ANTXR1: variants seen among roughly 807,000 people sequenced by gnomAD.
ANTXR1 encodes ANTXR cell adhesion molecule 1, also known as anthrax toxin receptor 1.
A neutral mutation model predicts 78.1 loss-of-function variants in ANTXR1; 19 were observed. The observed-to-expected ratio is 0.24, with a 90% CI of 0.17 to 0.36. ANTXR1 has a LOEUF of 0.36. Among genes scored for constraint, ANTXR1 ranks in the 10% least tolerant of loss-of-function variants. The pLI is 1.00. For synonymous variants in ANTXR1, 273 were observed against 260.5 expected, an observed-to-expected ratio of 1.05 and a Z score of -0.46; for missense variants, 518 against 718.6, an observed-to-expected ratio of 0.72 and a Z score of 3.19.
intron 1 of ANTXR1, among the ~76,000 whole-genome samples, chr2:69,029,483 T>C (rs1023477029): frequency 1.3e-5 from 2 of 151,664 alleles, no homozygotes; most frequent in African/African-American, 2.4e-5. Context: ...AATTAGTTTT[T>C]TTAAATGGTC....
rs141782604 is a variant in ANTXR1 at position 69,125,902 on chromosome 2, G to A, written c.951+1259G>A. On this transcript the variant is annotated intron_variant, in intron 12 of 17. Transcript: ENST00000303714. ...GAGCATTTCCAAAATAACCTTTGTC[G>A]GCGTATTCAGTTTCTTTAACTGAAT... Among the ~76,000 whole-genome samples the A allele has an allele frequency of 5.3e-3, 799 of 151,846 alleles. 8 individuals carry two copies. Among genetic ancestry groups the A allele is most frequent in the African/African-American group, 0.018 (750 of 41,396 alleles).
At chr2:69,218,528 TG>T (rs1478840698) in intron 17 of ANTXR1, among the ~76,000 whole-genome samples, 1 of 152,158 alleles carries the variant, frequency 6.6e-6, no homozygotes, top group African/African-American at 2.4e-5. Context: ...GAAAATACAC[TG>T]GACAGTGACG....
chr2:69,181,685 G>A, intron 14 of ANTXR1, 101 bp from the exon 15 acceptor site: 1 of 1,147,200 alleles, frequency 8.7e-7, no homozygotes, highest in Non-Finnish European at 1.3e-6. Context: ...CACCCAGGCA[G>A]TCTGACTCTA....
chr2:69,056,164 T>C (rs1323035217), intron 3 of ANTXR1, among the ~76,000 whole-genome samples: 1 of 152,140 alleles, frequency 6.6e-6, no homozygotes, highest in African/African-American at 2.4e-5. Flanking sequence ...TTAGAAGTAG[T>C]CAACAGAACC....
intron 3 of ANTXR1, among the ~76,000 whole-genome samples, chr2:69,050,717 T>C: frequency 6.6e-6 from 1 of 152,314 alleles, no homozygotes; most frequent in East Asian, 1.9e-4. Context: ...CAGTAGAAAT[T>C]ACCAATATGT....
intron 3 of ANTXR1, among the ~76,000 whole-genome samples, chr2:69,059,561 C>T (rs1252722208): frequency 6.6e-6 from 1 of 152,044 alleles, no homozygotes; most frequent in Non-Finnish European, 1.5e-5. Flanking sequence ...TCACTGCAAC[C>T]TCCGTCTCCC....
At chr2:69,138,106 A>G (rs1022795077) in intron 12 of ANTXR1, among the ~76,000 whole-genome samples, 41 of 149,654 alleles carry the variant, frequency 2.7e-4, no homozygotes, top group African/African-American at 9.9e-4. Context: ...AAAAAAAAAA[A>G]AAGAAAGAAA....
At chr2:69,232,027 T>C (rs1228480064) in intron 17 of ANTXR1, among the ~76,000 whole-genome samples, 1 of 152,130 alleles carries the variant, frequency 6.6e-6, no homozygotes, top group East Asian at 1.9e-4. Flanking sequence ...GGATGGAAGA[T>C]TTTCCTTCTG....
At chr2:69,053,432 A>G (rs1669984521) in intron 3 of ANTXR1, among the ~76,000 whole-genome samples, 2 of 152,120 alleles carry the variant, frequency 1.3e-5, no homozygotes, top group Non-Finnish European at 2.9e-5. Context: ...CTTCCCCGCC[A>G]TCCCTCATGC....
At chr2:69,062,849 G>T (rs946834595) in intron 3 of ANTXR1, among the ~76,000 whole-genome samples, 3 of 151,998 alleles carry the variant, frequency 2.0e-5, no homozygotes, top group Admixed American at 6.6e-5. Flanking sequence ...GAATACAATG[G>T]GGGGGAAGAT....
intron 12 of ANTXR1, among the ~76,000 whole-genome samples, chr2:69,137,802 A>AG (rs59564778): frequency 1.3e-5 from 2 of 150,964 alleles, no homozygotes; most frequent in Non-Finnish European, 3.0e-5. Context: ...AAAAAAAAAA[A>AG]CAGTGGGCGC....
intron 17 of ANTXR1, among the ~76,000 whole-genome samples, chr2:69,202,628 G>T (rs1170190071): frequency 6.6e-6 from 1 of 152,206 alleles, no homozygotes; most frequent in Non-Finnish European, 1.5e-5. Context: ...TTAGGAGGAA[G>T]TGCCAGTCCT....
At chr2:69,047,166 G>T (rs74415333) in intron 3 of ANTXR1, among the ~76,000 whole-genome samples, 10,927 of 152,180 alleles carry the variant, frequency 0.072, 587 homozygotes, top group East Asian at 0.25. Context: ...CATGGATTTG[G>T]TATACTCAGG....
At chr2:69,210,040 G>A (rs969418767) in intron 17 of ANTXR1, among the ~76,000 whole-genome samples, 2 of 152,214 alleles carry the variant, frequency 1.3e-5, no homozygotes, top group African/African-American at 4.8e-5. Flanking sequence ...CCGGATGAGA[G>A]GCGATGGTGG....
In ANTXR1 at chr2:69,249,125, C is replaced by A. The variant is rs1434590891; in HGVS notation, c.*3640C>A. 1.3e-5 allele frequency: 2 copies of A among 152,018 alleles called. No individual in the cohort carries two copies. The highest frequency in any genetic ancestry group is 1.3e-4 in the Admixed American group (2 of 15,270). The allele number at this position is 152,018 out of a possible 1,614,324, so 9.4% of individuals were successfully genotyped here. The stretch of plus-strand genomic sequence containing the variant: ...TGGGCAAAACCTGTACAATGACAAC[C>A]CTGGAAGTTGCTTTTTTTAAAAAAA... On this transcript the variant is annotated 3_prime_UTR_variant, in exon 18 of 18. Coordinates refer to ENST00000303714, the MANE Select transcript of ANTXR1 (RefSeq NM_032208.3).
chr2:69,077,415 G>A lies in ANTXR1; in HGVS notation c.569G>A (p.Arg190Gln), dbSNP rs761520001. 18 of 1,614,116 alleles carry A rather than the reference G, an allele frequency of 1.1e-5. No individual in the cohort carries two copies. The Middle Eastern group carries it at 4.9e-4, about 44-fold the overall frequency. The change falls in exon 8 of 18, where the codon CGG becomes CAG. Residue 190 changes from arginine to glutamine, a missense_variant. Arg to Gln is a conservative substitution (Grantham distance 43, BLOSUM62 1). Around this residue, in one of 5 missense-constraint regions of ANTXR1, gnomAD observed 264 missense variants for 391.8 expected, o/e 0.67. Coordinates refer to ENST00000303714, the MANE Select transcript of ANTXR1 (RefSeq NM_032208.3). ...TATTTGCTGTGTTCTCAGCTGGCCC[G>A]GATTGCGGACAGTAAGGATCATGTG... Reference protein sequence around the residue: ...VKDFNETQLARIADSKDHVFP... With the variant: ...VKDFNETQLAQIADSKDHVFP...
chr2:69,084,142 G>A lies in ANTXR1; in HGVS notation c.642+6654G>A, dbSNP rs78985535. 2.3e-3 allele frequency among the ~76,000 whole-genome samples: 355 copies of A among 152,308 alleles called. 1 individual carries two copies. The highest frequency in any genetic ancestry group is 8.2e-3 in the African/African-American group (342 of 41,560). ...GCTGAGACCCACTATAAAAGCAACA[G>A]CAGAATTTTAGAACGAAATCAGCTC... is the stretch of plus-strand genomic sequence containing the variant. On this transcript the variant is annotated intron_variant, in intron 8 of 17. Coordinates refer to ENST00000303714, the MANE Select transcript of ANTXR1 (RefSeq NM_032208.3).
intron 14 of ANTXR1, among the ~76,000 whole-genome samples, chr2:69,171,438 G>A (rs143517248): frequency 6.6e-6 from 1 of 152,188 alleles, no homozygotes; most frequent in Non-Finnish European, 1.5e-5. Flanking sequence ...CTAGTTCCAC[G>A]ACTGCAATTG....
chr2:69,075,723 A>C (rs942568347), intron 7 of ANTXR1, 65 bp downstream of exon 7: 1 of 1,428,996 alleles, frequency 7.0e-7, no homozygotes, highest in African/African-American at 1.4e-5. Flanking sequence ...GAACATGTTC[A>C]GTCAGTGCAG....
Sources: gnomAD v4.1 joint callset for allele counts (sites outside exome capture counted in the v4.1 genomes callset) on GRCh38, gnomAD v4.1.1 for gene constraint, gnomAD v4.1.1 regional missense constraint, MANE v1.5 for transcripts, NCBI Gene and HGNC (gene_info 2026-07-23, HGNC 2026-07-21) for gene names.